Variants in PKD1 observed in about 807,000 individuals in gnomAD.
PKD1 encodes polycystin-1.
Under a neutral mutation model 361.7 loss-of-function variants are expected in PKD1, and 81 were observed. The observed-to-expected ratio is 0.22, with a 90% CI of 0.19 to 0.27. The LOEUF (loss-of-function observed/expected upper bound fraction) is 0.27, where lower values mean the gene tolerates loss of function less well. PKD1 is among the 10% of genes least tolerant of loss of function. The pLI is 1.00. For missense variants in PKD1, 6,399 were observed against 6,118.3 expected, an observed-to-expected ratio of 1.05 and a Z score of -1.53; for synonymous variants, 3,615 against 2,818.3, an observed-to-expected ratio of 1.28 and a Z score of -8.95.
rs749274013 is a variant in PKD1 at position 2,090,933 on chromosome 16, G to C, written c.11954C>G (p.Ser3985Cys). 18 of 1,576,280 alleles carry C rather than the reference G, an allele frequency of 1.1e-5. No homozygotes were observed. In the African/African-American group the frequency reaches 1.6e-4, roughly 14 times the overall value. Residue 3985 changes from serine to cysteine, a missense_variant, in exon 43 of 46, where the codon TCC becomes TGC. Ser to Cys is a moderately radical substitution (Grantham distance 112). Coordinates refer to ENST00000262304, the MANE Select transcript of PKD1 (RefSeq NM_001009944.3). ...CGAGGCCGCCAGGCCACGGGCTGCGGAGCTCAGCTGCGCCACCTGGTCGAA... is the reference window on the plus strand; with the variant it reads ...CGAGGCCGCCAGGCCACGGGCTGCGCAGCTCAGCTGCGCCACCTGGTCGAA... ...TSFDQVAQLS[S>C]AARGLAASLL...
Position 2,091,511 on chromosome 16 carries a change from G to T in PKD1, c.11624C>A (p.Ala3875Glu), listed in dbSNP as rs765573637. The T allele has an allele frequency of 6.9e-7, 1 of 1,448,034 alleles. No individual in the cohort carries two copies. Among genetic ancestry groups the T allele is most frequent in the Admixed American group, 2.9e-5 (1 of 35,086 alleles). The allele number at this position is 1,448,034 out of a possible 1,614,324, so 89.7% of individuals were successfully genotyped here. The change falls in exon 42 of 46, where the codon GCG becomes GAG. Residue 3875 changes from alanine to glutamate, a missense_variant. Transcript: ENST00000262304. Reference protein sequence around the residue: ...AAVTLRLEFPAAGRALAALSV... With the variant: ...AAVTLRLEFPEAGRALAALSV... Reference sequence around the variant, plus strand: ...GAGGGCGGCCAGGGCGCGGCCGGCCGCCGGGAACTCGAGGCGCAGCGTGAC... The same window carrying T: ...GAGGGCGGCCAGGGCGCGGCCGGCCTCCGGGAACTCGAGGCGCAGCGTGAC...
At chr16:2,112,698 G>A (rs2092547494) in intron 13 of PKD1, 90 bp downstream of exon 13, 4 of 1,414,072 alleles carry the variant, frequency 2.8e-6, no homozygotes, top group African/African-American at 2.8e-5. Flanking sequence ...GCTCAGAAAA[G>A]CAACCCCGTG....
At chr16:2,093,171 ATGGCTGCGGCAGGTG>A (rs2091677459) in intron 37 of PKD1, 78 bp from the exon 38 acceptor site, 4 of 1,552,854 alleles carry the variant, frequency 2.6e-6, no homozygotes, top group Non-Finnish European at 3.5e-6. Flanking sequence ...GGCTGGAGCC[ATGGCTGCGGCAGGTG>A]TGGCTGCAGG....
At position 2,107,878 on chromosome 16, in the gene PKD1, C is replaced by G; in HGVS notation, c.7065+5G>C. 6.5e-7 allele frequency: 1 copy of G among 1,543,280 alleles called. No homozygotes were observed. Among genetic ancestry groups the G allele is most frequent in the Non-Finnish European group, 8.7e-7 (1 of 1,146,178 alleles). ...GCAAGTGGCCGAGGGGCGGGCGGCA[C>G]CCACCGTCTGGTTGGTGGCCTCCTC... On this transcript the variant is annotated splice_donor_5th_base_variant and intron_variant, in intron 16 of 45. Coordinates refer to ENST00000262304, the MANE Select transcript of PKD1 (RefSeq NM_001009944.3).
chr16:2,092,307 C>G (rs561440199), intron 39 of PKD1, 119 bp from the exon 40 acceptor site: 3 of 1,174,846 alleles, frequency 2.6e-6, no homozygotes, highest in Non-Finnish European at 3.6e-6. Context: ...ACCCTCCCAG[C>G]AGCCATCAAT....
chr16:2,110,201 C>T lies in PKD1; in HGVS notation c.4966G>A (p.Val1656Ile), dbSNP rs1245105842. The change falls in exon 15 of 46, where the codon GTT (valine) becomes ATT (isoleucine). Residue 1656 changes from valine to isoleucine, a missense_variant. Coordinates refer to ENST00000262304, the MANE Select transcript of PKD1 (RefSeq NM_001009944.3). ...TAGGAGACGTTGGTGCCATCCCTAACCACGGCCTGCAGCTGTACCGTGTGG... is the reference window on the plus strand; with the variant it reads ...TAGGAGACGTTGGTGCCATCCCTAATCACGGCCTGCAGCTGTACCGTGTGG... Reference protein sequence around the residue: ...TNHTVQLQAVVRDGTNVSYSW... With the variant: ...TNHTVQLQAVIRDGTNVSYSW... The T allele has an allele frequency of 2.5e-6, 4 of 1,611,670 alleles. No homozygotes were observed. The highest frequency in any genetic ancestry group is 3.4e-6 in the Non-Finnish European group (4 of 1,179,806).
intron 21 of PKD1, among the ~76,000 whole-genome samples, chr16:2,104,881 A>AGGAG (rs2092274662): frequency 3.3e-5 from 1 of 30,592 alleles, no homozygotes; most frequent in Non-Finnish European, 6.7e-5. Context: ...TTCACATGAG[A>AGGAG]GCGGAGGAGG....
chr16:2,110,430 G>C lies in PKD1; in HGVS notation c.4737C>G (p.Arg1579=), dbSNP rs765027813. 1.9e-6 allele frequency: 3 copies of C among 1,612,598 alleles called. No individual in the cohort carries two copies. Among genetic ancestry groups the C allele is most frequent in the Non-Finnish European group, 2.5e-6 (3 of 1,179,854 alleles). Residue 1579 remains arginine (R), a synonymous_variant, in exon 15 of 46, where the codon CGC becomes CGG. Coordinates refer to ENST00000262304, the MANE Select transcript of PKD1 (RefSeq NM_001009944.3). Reference sequence around the variant, plus strand: ...AGCGGTCACAGAGCACCCAGGAATAGCGCACATCACTGCCGGCCTCCAGCG... The same window carrying C: ...AGCGGTCACAGAGCACCCAGGAATACCGCACATCACTGCCGGCCTCCAGCG... ...STSLEAGSDV[R]YSWVLCDRCT... is the part of the protein sequence containing the mutation.
chr16:2,128,894 C>T (rs1434327301), intron 1 of PKD1, among the ~76,000 whole-genome samples: 1 of 151,816 alleles, frequency 6.6e-6, no homozygotes, highest in Non-Finnish European at 1.5e-5. Context: ...GACAGAGTCT[C>T]GCTCTGTTGA....
rs773238289 is a variant in PKD1, at chr16:2,102,144, C to T, written c.9314G>A (p.Arg3105Gln). Residue 3105 changes from arginine (R) to glutamine (Q), a missense_variant, in exon 26 of 46, where the codon CGG becomes CAG. Coordinates refer to ENST00000262304, the MANE Select transcript of PKD1 (RefSeq NM_001009944.3). ...LHKLDQLDAS[R>Q]GRAIPFCGQR... ...CCCACAGAAAGGGATGGCGCGGCCCCGGCTGGCATCCAACTGGTCCAGCTT... is the reference window on the plus strand; with the variant it reads ...CCCACAGAAAGGGATGGCGCGGCCCTGGCTGGCATCCAACTGGTCCAGCTT... 2.6e-5 allele frequency: 41 copies of T among 1,568,070 alleles called. No individual in the cohort carries two copies. The highest frequency in any genetic ancestry group is 7.3e-5 in the African/African-American group (5 of 68,770).
chr16:2,114,566 G>A lies in PKD1; in HGVS notation c.2457C>T (p.Ser819=), dbSNP rs1454717343. 3.8e-6 allele frequency: 6 copies of A among 1,594,542 alleles called. No individual in the cohort carries two copies. Among genetic ancestry groups the A allele is most frequent in the Non-Finnish European group, 5.1e-6 (6 of 1,178,968 alleles). ...AGATGACCCGCAGCCCAGCCACTGG[G>A]GAGACCACGTCAAAGCTGCAGGAGA... ...HNLSCSFDVV[S]PVAGLRVIYP... The change falls in exon 11 of 46, where the codon TCC becomes TCT. Residue 819 remains serine (S), a synonymous_variant. Coordinates refer to ENST00000262304, the MANE Select transcript of PKD1 (RefSeq NM_001009944.3).
chr16:2,125,733 C>T (rs2092790279), intron 1 of PKD1, among the ~76,000 whole-genome samples: 1 of 151,886 alleles, frequency 6.6e-6, no homozygotes, highest in African/African-American at 2.4e-5. Context: ...CGGGGCCACC[C>T]TTCCAGTTCA....
rs140510875 is a variant in PKD1, at chr16:2,111,075, G to A, written c.4092C>T (p.Arg1364=). 6.0e-5 allele frequency: 96 copies of A among 1,610,554 alleles called. No homozygotes were observed. Among genetic ancestry groups the A allele is most frequent in the African/African-American group, 1.9e-4 (14 of 74,860 alleles). ...TFPLALVLSS[R]VNRAHYFTSI... is the part of the protein sequence containing the mutation. ...TGGTGAAGTAATGCGCCCTGTTCAC[G>A]CGGCTGGACAGCACCAGCGCCAGGG... Residue 1364 remains arginine (R), a synonymous_variant, in exon 15 of 46, where the codon CGC becomes CGT. Coordinates refer to ENST00000262304, the MANE Select transcript of PKD1 (RefSeq NM_001009944.3).
Position 2,090,025 on chromosome 16 carries a change from C to T in PKD1, c.12614G>A (p.Gly4205Glu). The change falls in exon 46 of 46, where the codon GGG (glycine) becomes GAG (glutamate). Residue 4205 changes from glycine (G) to glutamate (E), a missense_variant. By Grantham distance (98) the Gly-to-Glu change is moderately conservative. Transcript: ENST00000262304. ...DGLSVSLGRLGTRCEPEPSRL... is the reference protein window; with the variant it reads ...DGLSVSLGRLETRCEPEPSRL... ...GGAGGGCTCAGGCTCACACCTTGTCCCCAGCCGGCCCAGGCTCACGCTCAG... is the reference window on the plus strand; with the variant it reads ...GGAGGGCTCAGGCTCACACCTTGTCTCCAGCCGGCCCAGGCTCACGCTCAG... 6.2e-7 allele frequency: 1 copy of T among 1,610,458 alleles called. No homozygotes were observed. Among genetic ancestry groups the T allele is most frequent in the Non-Finnish European group, 8.5e-7 (1 of 1,179,094 alleles).
intron 10 of PKD1, 168 bp downstream of exon 10, chr16:2,115,210 A>G (rs1193480423): frequency 3.5e-6 from 2 of 566,976 alleles, no homozygotes; most frequent in African/African-American, 4.1e-5. Flanking sequence ...AGCTTCTCCC[A>G]CTGGGAGAGG....
In PKD1 at chr16:2,091,133, C is replaced by T. The variant is rs768018704; in HGVS notation, c.11754G>A (p.Glu3918=). 38 of 1,483,996 alleles carry T rather than the reference C, an allele frequency of 2.6e-5. No individual in the cohort carries two copies. The South Asian group carries it at 4.5e-4, about 18-fold the overall frequency. 91.9% of individuals were successfully genotyped at this position (1,483,996 alleles called of 1,614,324 possible). A position where few individuals can be genotyped will look rare whatever the true frequency, so the allele number is the denominator to read the frequency against. ...GCCCTTCCCTGTGCCAAGTACGGGC[C>T]TCGGCCACGGCGAAGTGCACGGCGA... ...LLFAVHFAVA[E]ARTWHREGRW... is the part of the protein sequence containing the mutation. The change falls in exon 43 of 46, where the codon GAG becomes GAA. Residue 3918 remains glutamate, a synonymous_variant. Coordinates refer to ENST00000262304, the MANE Select transcript of PKD1 (RefSeq NM_001009944.3).
intron 22 of PKD1, among the ~76,000 whole-genome samples, chr16:2,104,235 G>A (rs1156780222): frequency 2.3e-5 from 1 of 42,618 alleles, no homozygotes; most frequent in Non-Finnish European, 4.6e-5. Flanking sequence ...GGATGAGGAA[G>A]ATGAGGGGAA....
At position 2,099,880 on chromosome 16, in the gene PKD1, C is replaced by A. The variant is rs771383072; in HGVS notation, c.9904G>T (p.Val3302Phe). ...LGANAVWYGAVGDSAYSTGHV... is the reference protein window; with the variant it reads ...LGANAVWYGAFGDSAYSTGHV... Reference sequence around the variant, plus strand: ...ACCCACCTGTAGGCAGAGTCGCCAACAGCCCCGTACCACACGGCGTTGGCG... The same window carrying A: ...ACCCACCTGTAGGCAGAGTCGCCAAAAGCCCCGTACCACACGGCGTTGGCG... Residue 3302 changes from valine (V) to phenylalanine (F), a missense_variant, in exon 29 of 46, where the codon GTT becomes TTT. Val to Phe is a conservative substitution (Grantham distance 50). Transcript: ENST00000262304. The A allele has an allele frequency of 1.3e-6, 2 of 1,566,876 alleles. No homozygotes were observed. The highest frequency in any genetic ancestry group is 2.7e-5 in the African/African-American group (2 of 73,862).
In PKD1 at chr16:2,089,595, G is replaced by T; in HGVS notation, c.*132C>A. The T allele has an allele frequency of 8.7e-7, 1 of 1,149,218 alleles. No homozygotes were observed. Among genetic ancestry groups the T allele is most frequent in the Non-Finnish European group, 1.2e-6 (1 of 805,092 alleles). 71.2% of individuals were successfully genotyped at this position (1,149,218 alleles called of 1,614,324 possible). ...AAGTGCTGAAGCCCACAGACAGACA[G>T]ATGCCCCTGCCTGCTCTCTGGGGAA... On this transcript the variant is annotated 3_prime_UTR_variant, in exon 46 of 46. Transcript: ENST00000262304.
Sources: allele counts gnomAD v4.1 joint callset (sites outside exome capture counted in the v4.1 genomes callset), GRCh38; gene constraint gnomAD v4.1.1; transcripts MANE v1.5; gene names NCBI Gene and HGNC (gene_info 2026-07-23, HGNC 2026-07-21).